The following PRKCA variants were observed in gnomAD, a reference collection of about 807,000 sequenced individuals.
PRKCA encodes the protein protein kinase C alpha type.
A neutral mutation model predicts 87.0 loss-of-function variants in PRKCA; 27 were observed. The observed-to-expected ratio is 0.31, with a 90% CI of 0.23 to 0.43. PRKCA has a LOEUF of 0.43. Ranked by LOEUF, PRKCA falls within the 20% of genes least tolerant of loss-of-function variation. PRKCA has a pLI of 1.00. For synonymous variants in PRKCA, 329 were observed against 311.1 expected (o/e 1.06, Z -0.61); for missense variants, 518 against 852.3 (o/e 0.61, Z 4.88).
chr17:66,438,057 C>T (rs1913507014), intron 2 of PRKCA, among the ~76,000 whole-genome samples: 1 of 151,974 alleles, frequency 6.6e-6, no homozygotes, highest in Non-Finnish European at 1.5e-5. Context: ...CCCAAACCCT[C>T]AAAGAGGATG....
chr17:66,715,650 G>A (rs555111930), intron 8 of PRKCA, among the ~76,000 whole-genome samples: 7 of 152,256 alleles, frequency 4.6e-5, no homozygotes, highest in African/African-American at 1.4e-4. Flanking sequence ...CTGTAGTTCC[G>A]TTGGCACTCT....
rs370578141 is a variant in PRKCA, at chr17:66,327,461, G to A, written c.205+21334G>A. 5.5e-4 allele frequency among the ~76,000 whole-genome samples: 84 copies of A among 151,892 alleles called. 1 individual carries two copies. Among genetic ancestry groups the A allele is most frequent in the South Asian group, 5.0e-3 (24 of 4,792 alleles). On this transcript the variant is annotated intron_variant, in intron 2 of 16. Transcript: ENST00000413366. ...TGAGGCACGAGAATCACTGGAACCC[G>A]GGAGGTGGAGGTTGCAGTGAGCCGA...
intron 2 of PRKCA, among the ~76,000 whole-genome samples, chr17:66,399,395 T>C (rs1265535391): frequency 6.6e-6 from 1 of 152,098 alleles, no homozygotes; most frequent in African/African-American, 2.4e-5. Flanking sequence ...TAAATGAAAA[T>C]TTGGGTATTC....
At chr17:66,672,805 C>T (rs1972227644) in intron 5 of PRKCA, among the ~76,000 whole-genome samples, 1 of 152,084 alleles carries the variant, frequency 6.6e-6, no homozygotes, top group Non-Finnish European at 1.5e-5. Flanking sequence ...GTTATAAAGG[C>T]AGGTTCTAAA....
intron 2 of PRKCA, among the ~76,000 whole-genome samples, chr17:66,478,332 G>A (rs889105972): frequency 6.6e-6 from 1 of 152,058 alleles, no homozygotes; most frequent in Non-Finnish European, 1.5e-5. Context: ...GCAGCTCACC[G>A]CAATCTCCGC....
intron 8 of PRKCA, among the ~76,000 whole-genome samples, chr17:66,715,251 A>G (rs1973444875): frequency 2.6e-5 from 4 of 151,748 alleles, no homozygotes; most frequent in Admixed American, 2.0e-4. Context: ...TTTTATTGCC[A>G]GTTATAGCTT....
intron 2 of PRKCA, among the ~76,000 whole-genome samples, chr17:66,314,813 A>G (rs1017529094): frequency 3.3e-5 from 5 of 151,930 alleles, no homozygotes; most frequent in Admixed American, 3.3e-4. Context: ...GAAAACTGGT[A>G]GTTTTGAGTT....
intron 16 of PRKCA, among the ~76,000 whole-genome samples, chr17:66,802,461 G>T (rs995477804): frequency 4.6e-4 from 69 of 150,736 alleles, no homozygotes; most frequent in African/African-American, 1.5e-3. Flanking sequence ...GGAGGCAGAG[G>T]TTACAGTGAG....
intron 3 of PRKCA, among the ~76,000 whole-genome samples, chr17:66,637,824 G>T (rs759618138): frequency 1.3e-5 from 2 of 152,152 alleles, no homozygotes; most frequent in African/African-American, 2.4e-5. Flanking sequence ...TTTCTGACTC[G>T]GTTGGTCTGG....
chr17:66,673,308 A>G lies in PRKCA; in HGVS notation c.530-13803A>G, dbSNP rs550346414. ...TAGAATTTTGGTTGATGAGTTGCCA[A>G]CCTGTGTTTTCTGGTACGTGAATGG... is the stretch of plus-strand genomic sequence containing the variant. On this transcript the variant is annotated intron_variant, in intron 5 of 16. Coordinates refer to ENST00000413366, the MANE Select transcript of PRKCA (RefSeq NM_002737.3). Among the ~76,000 whole-genome samples the G allele has an allele frequency of 7.1e-4, 108 of 152,272 alleles. 1 individual carries two copies. The highest frequency in any genetic ancestry group is 2.5e-3 in the African/African-American group (103 of 41,538).
chr17:66,335,156 TCTCA>T (rs1906579868), intron 2 of PRKCA, among the ~76,000 whole-genome samples: 1 of 151,950 alleles, frequency 6.6e-6, no homozygotes, highest in Admixed American at 6.6e-5. Flanking sequence ...TGAGGCAGGG[TCTCA>T]CTCTGTCACC....
chr17:66,773,343 G>A (rs963231099), intron 13 of PRKCA, among the ~76,000 whole-genome samples: 1 of 152,052 alleles, frequency 6.6e-6, no homozygotes, highest in African/African-American at 2.4e-5. Context: ...TCAATAGACT[G>A]AATGTATATC....
chr17:66,747,119 T>G (rs1031155205), intron 13 of PRKCA, among the ~76,000 whole-genome samples: 1 of 152,230 alleles, frequency 6.6e-6, no homozygotes, highest in African/African-American at 2.4e-5. Context: ...TCGTCCAGGC[T>G]GGAGTGCAGT....
In PRKCA at chr17:66,685,660, G is replaced by T. The variant is rs1184872692; in HGVS notation, c.530-1451G>T. On this transcript the variant is annotated intron_variant, in intron 5 of 16. Transcript: ENST00000413366. Reference sequence around the variant, plus strand: ...CCACAGACTAGTAAAGGCAATGCCTGTCTCTGACTTCCGATCTTAGGGCTG... The same window carrying T: ...CCACAGACTAGTAAAGGCAATGCCTTTCTCTGACTTCCGATCTTAGGGCTG... 3.3e-5 allele frequency among the ~76,000 whole-genome samples: 5 copies of T among 152,122 alleles called. 1 individual carries two copies. The South Asian group carries it at 1.0e-3, about 32-fold the overall frequency.
chr17:66,392,869 G>A (rs1223242246), intron 2 of PRKCA, among the ~76,000 whole-genome samples: 2 of 152,102 alleles, frequency 1.3e-5, no homozygotes, highest in Non-Finnish European at 2.9e-5. Flanking sequence ...ATTTAAAAAT[G>A]TGTCCTTGAA....
intron 3 of PRKCA, among the ~76,000 whole-genome samples, chr17:66,525,720 T>G (rs1445248038): frequency 6.6e-6 from 1 of 152,182 alleles, no homozygotes; most frequent in East Asian, 1.9e-4. Flanking sequence ...CTAGAAGTGT[T>G]GATGAAAGTC....
intron 8 of PRKCA, among the ~76,000 whole-genome samples, chr17:66,728,972 GAT>G (rs1973821329): frequency 6.6e-6 from 1 of 152,260 alleles, no homozygotes; most frequent in Non-Finnish European, 1.5e-5. Flanking sequence ...GGTGTTTTCA[GAT>G]GTTATTGTGA....
chr17:66,343,391 C>T (rs1293177277), intron 2 of PRKCA, among the ~76,000 whole-genome samples: 2 of 152,192 alleles, frequency 1.3e-5, no homozygotes, highest in African/African-American at 4.8e-5. Flanking sequence ...TTATCCATCA[C>T]TGAATGGCCT....
intron 2 of PRKCA, among the ~76,000 whole-genome samples, chr17:66,360,287 T>C (rs1908312123): frequency 6.6e-6 from 1 of 152,124 alleles, no homozygotes; most frequent in Admixed American, 6.6e-5. Context: ...TGGGTATTGA[T>C]CCAAGCCAGC....
Sources: allele counts gnomAD v4.1 joint callset (sites outside exome capture counted in the v4.1 genomes callset), GRCh38; gene constraint gnomAD v4.1.1; transcripts MANE v1.5; gene names NCBI Gene and HGNC (gene_info 2026-07-23, HGNC 2026-07-21).